HPSE2: variants seen among roughly 807,000 people sequenced by gnomAD.
HPSE2 encodes heparanase 2 (inactive), also known as inactive heparanase-2.
In HPSE2, 38 loss-of-function variants were observed where a neutral mutation model predicts 60.5. The ratio of observed to expected loss-of-function variants is 0.63; its 90% CI spans 0.48 to 0.82. The LOEUF is 0.82. Among genes scored for constraint, HPSE2 ranks in the 40% least tolerant of loss-of-function variants. The pLI, the probability that HPSE2 is intolerant of heterozygous loss-of-function variation, is 0.00. For synonymous variants in HPSE2, 295 were observed against 293.2 expected, an observed-to-expected ratio of 1.01 and a Z score of -0.06; for missense variants, 713 against 740.4, an observed-to-expected ratio of 0.96 and a Z score of 0.43.
chr10:99,261,052 AAAATGGTC>A, the HPSE2 span, among the ~76,000 whole-genome samples: 4 of 152,184 alleles, frequency 2.6e-5, no homozygotes, highest in Non-Finnish European at 5.9e-5. Flanking sequence ...TTTTTGTCAA[AAAATGGTC>A]AAATGGGTCT....
chr10:98,862,696 G>A (rs988969497), intron 3 of HPSE2, among the ~76,000 whole-genome samples: 1 of 152,128 alleles, frequency 6.6e-6, no homozygotes, highest in African/African-American at 2.4e-5. Context: ...AGTAGAGTAG[G>A]CAAGAGACAA....
At chr10:98,754,111 A>G (rs1949822780) in intron 3 of HPSE2, among the ~76,000 whole-genome samples, 1 of 152,328 alleles carries the variant, frequency 6.6e-6, no homozygotes, top group South Asian at 2.1e-4. Flanking sequence ...AAAAAATCCA[A>G]TAAAATGATA....
At chr10:99,180,307 A>G (rs1847708365) in intron 2 of HPSE2, among the ~76,000 whole-genome samples, 1 of 152,224 alleles carries the variant, frequency 6.6e-6, no homozygotes, top group Non-Finnish European at 1.5e-5. Flanking sequence ...ACTAATTATC[A>G]GAGTGAACAG....
intron 4 of HPSE2, among the ~76,000 whole-genome samples, chr10:98,722,727 C>A (rs1326599151): frequency 6.6e-6 from 1 of 152,136 alleles, no homozygotes; most frequent in Non-Finnish European, 1.5e-5. Flanking sequence ...AGCTCCACAG[C>A]TGGAGGAGGC....
At chr10:98,855,708 A>G (rs1045907713) in intron 3 of HPSE2, among the ~76,000 whole-genome samples, 2 of 152,168 alleles carry the variant, frequency 1.3e-5, no homozygotes, top group Admixed American at 6.5e-5. Context: ...CCAGAGACAC[A>G]ATGCCAATCT....
At chr10:99,155,973 T>G (rs2135816409) in intron 2 of HPSE2, among the ~76,000 whole-genome samples, 1 of 151,578 alleles carries the variant, frequency 6.6e-6, no homozygotes, top group African/African-American at 2.4e-5. Context: ...TATAAACACC[T>G]CTACGCAAAT....
At chr10:98,609,536 C>T (rs1412070795) in intron 9 of HPSE2, among the ~76,000 whole-genome samples, 1 of 152,104 alleles carries the variant, frequency 6.6e-6, no homozygotes, top group Non-Finnish European at 1.5e-5. Context: ...GTAATCTTAC[C>T]ACCCAAAGAA....
chr10:98,809,312 T>C (rs1951112671), intron 3 of HPSE2, among the ~76,000 whole-genome samples: 1 of 152,138 alleles, frequency 6.6e-6, no homozygotes, highest in Non-Finnish European at 1.5e-5. Flanking sequence ...TAATTCTCTC[T>C]ACTTTTTTGC....
At chr10:98,521,066 G>A (rs1942775409) in intron 9 of HPSE2, among the ~76,000 whole-genome samples, 1 of 152,228 alleles carries the variant, frequency 6.6e-6, no homozygotes, top group Non-Finnish European at 1.5e-5. Context: ...ATACCATTGA[G>A]GACATTGGCA....
rs1222154878 is a variant in HPSE2, at chr10:98,473,433, C to T, written c.1613+9203G>A. Among the ~76,000 whole-genome samples the T allele has an allele frequency of 3.6e-5, 5 of 140,322 alleles. No homozygotes were observed. In the East Asian group the frequency reaches 6.3e-4, roughly 18 times the overall value. The allele number at this position is 140,322 out of a possible 152,430, so 92.1% of individuals were successfully genotyped here. A position where few individuals can be genotyped will look rare whatever the true frequency, so the allele number is the denominator to read the frequency against. ...CAGGGAGGTGGAGGTTGCAGTGAGC[C>T]GAGATTGCACCACTGCGCTCCAGCC... On this transcript the variant is annotated intron_variant, in intron 11 of 11. Coordinates refer to ENST00000370552, the MANE Select transcript of HPSE2 (RefSeq NM_021828.5).
At chr10:98,944,803 C>T (rs999325628) in intron 3 of HPSE2, among the ~76,000 whole-genome samples, 1 of 152,150 alleles carries the variant, frequency 6.6e-6, no homozygotes, top group Non-Finnish European at 1.5e-5. Context: ...TCCAGTTTCT[C>T]CATCCTTGAC....
At chr10:99,119,747 C>T (rs1279485849) in intron 3 of HPSE2, among the ~76,000 whole-genome samples, 1 of 152,096 alleles carries the variant, frequency 6.6e-6, no homozygotes, top group Non-Finnish European at 1.5e-5. Flanking sequence ...CAAAAACAGA[C>T]ACATAGACTA....
At chr10:98,902,675 T>C (rs1953698730) in intron 3 of HPSE2, among the ~76,000 whole-genome samples, 1 of 152,198 alleles carries the variant, frequency 6.6e-6, no homozygotes, top group African/African-American at 2.4e-5. Context: ...AGTGAACATA[T>C]ACTGATTTTT....
chr10:98,466,881 G>A (rs1444891871), intron 11 of HPSE2, among the ~76,000 whole-genome samples: 1 of 152,114 alleles, frequency 6.6e-6, no homozygotes, highest in Non-Finnish European at 1.5e-5. Context: ...GTGGCTTCCC[G>A]CTGATCTTAG....
intron 3 of HPSE2, among the ~76,000 whole-genome samples, chr10:98,803,731 A>AGTATAGT (rs1442084136): frequency 3.5e-4 from 53 of 150,858 alleles, no homozygotes; most frequent in African/African-American, 1.3e-3. Context: ...GTAGCCTTGT[A>AGTATAGT]GTATAGTTTG....
intron 3 of HPSE2, among the ~76,000 whole-genome samples, chr10:98,905,007 A>T (rs948168902): frequency 1.3e-5 from 2 of 152,166 alleles, no homozygotes; most frequent in South Asian, 2.1e-4. Flanking sequence ...AAAAGTCTTT[A>T]ACATTTAATA....
chr10:98,905,268 T>A (rs1164620721), intron 3 of HPSE2, among the ~76,000 whole-genome samples: 1 of 151,758 alleles, frequency 6.6e-6, no homozygotes, highest in Non-Finnish European at 1.5e-5. Context: ...CCCTAACTCA[T>A]CATCTAGCAT....
chr10:98,841,440 C>T (rs575040024), intron 3 of HPSE2, among the ~76,000 whole-genome samples: 59 of 152,246 alleles, frequency 3.9e-4, no homozygotes, highest in African/African-American at 1.3e-3. Context: ...CTAAAATAAA[C>T]ATTTTTAAGC....
intron 7 of HPSE2, among the ~76,000 whole-genome samples, chr10:98,639,757 G>T (rs553132713): frequency 3.9e-5 from 6 of 152,330 alleles, no homozygotes; most frequent in Non-Finnish European, 8.8e-5. Context: ...CAACACCTTT[G>T]TCTTAGTTCT....
Sources: allele counts gnomAD v4.1 joint callset (sites outside exome capture counted in the v4.1 genomes callset), GRCh38; gene constraint gnomAD v4.1.1; transcripts MANE v1.5; gene names NCBI Gene and HGNC (gene_info 2026-07-23, HGNC 2026-07-21).